Variants in ATXN7 observed in about 807,000 individuals in gnomAD.
ATXN7 encodes ataxin 7.
Under a neutral mutation model 70.5 loss-of-function variants are expected in ATXN7, and 12 were observed. The observed-to-expected ratio is 0.17, with a 90% CI of 0.11 to 0.28. The LOEUF (loss-of-function observed/expected upper bound fraction) is 0.28. Ranked by LOEUF, ATXN7 falls within the 10% of genes least tolerant of loss-of-function variation. The pLI is 1.00. For synonymous variants in ATXN7, 498 were observed against 448.7 expected, an observed-to-expected ratio of 1.11 and a Z score of -1.39; for missense variants, 1,256 against 1,131.7, an observed-to-expected ratio of 1.11 and a Z score of -1.58.
chr3:63,881,929 A>G (rs1303588288), intron 1 of ATXN7, among the ~76,000 whole-genome samples: 1 of 152,140 alleles, frequency 6.6e-6, no homozygotes, highest in Non-Finnish European at 1.5e-5. Context: ...GATGGATTTT[A>G]TTTGTTGAAA....
At chr3:63,937,215 A>G (rs1166465023) in intron 4 of ATXN7, among the ~76,000 whole-genome samples, 1 of 152,164 alleles carries the variant, frequency 6.6e-6, no homozygotes, top group African/African-American at 2.4e-5. Flanking sequence ...GAAATGAGGG[A>G]AGACAGAAAT....
Position 63,995,958 on chromosome 3 carries a change from A to G in ATXN7, c.2136A>G (p.Pro712=), listed in dbSNP as rs375913531. The G allele has an allele frequency of 1.2e-6, 2 of 1,613,698 alleles. No individual in the cohort carries two copies. The highest frequency in any genetic ancestry group is 1.3e-5 in the African/African-American group (1 of 74,812). ...GSGKKRKNSS[P]LLVHSSSSSS... is the part of the protein sequence containing the mutation. ...GAAAGAAACGCAAAAACAGTTCCCC[A>G]CTGTTGGTTCACTCTTCCTCCTCCT... The change falls in exon 12 of 13, where the codon CCA becomes CCG. Residue 712 remains proline (P), a synonymous_variant. Transcript: ENST00000674280.
intron 11 of ATXN7, among the ~76,000 whole-genome samples, chr3:63,992,546 A>G (rs1160729384): frequency 6.6e-6 from 1 of 152,194 alleles, no homozygotes; most frequent in African/African-American, 2.4e-5. Flanking sequence ...TTTTATCCAC[A>G]TTATGTTGGT....
At chr3:63,959,710 CT>C (rs1211027639) in intron 5 of ATXN7, among the ~76,000 whole-genome samples, 15 of 151,972 alleles carry the variant, frequency 9.9e-5, no homozygotes, top group Admixed American at 7.9e-4. Flanking sequence ...AAGCAAATAT[CT>C]TTAAAATAAA....
rs1430987015 is a variant in ATXN7, at chr3:63,980,022, A to T, written c.607A>T (p.Ser203Cys). ...AAGCAAAGGAGGCAGTGCAAGTGGA[A>T]GCAACCGTTCTTCCAGTGGAGGTGT... ...SKSKGGSASG[S>C]NRSSSGGVLS... is the part of the protein sequence containing the mutation. Residue 203 changes from serine (S) to cysteine (C), a missense_variant, in exon 6 of 13, where the codon AGC becomes TGC. Ser to Cys is a moderately radical substitution (Grantham distance 112). Transcript: ENST00000674280. 1 of 1,614,084 alleles carries T rather than the reference A, an allele frequency of 6.2e-7. No individual in the cohort carries two copies. Among genetic ancestry groups the T allele is most frequent in the African/African-American group, 1.3e-5 (1 of 74,924 alleles).
chr3:63,903,989 A>G (rs565472677), intron 2 of ATXN7: 1 of 152,334 alleles, frequency 6.6e-6, no homozygotes, highest in African/African-American at 2.4e-5. Context: ...AATGGTTTTT[A>G]GTGTATTCAC....
At chr3:63,980,987 G>A (rs913311241) in intron 6 of ATXN7, among the ~76,000 whole-genome samples, 1 of 152,212 alleles carries the variant, frequency 6.6e-6, no homozygotes, top group Non-Finnish European at 1.5e-5. Context: ...GAGCAGCCAC[G>A]CACTCCAATA....
intron 4 of ATXN7, among the ~76,000 whole-genome samples, chr3:63,921,529 A>G (rs190076515): frequency 3.3e-5 from 5 of 152,216 alleles, no homozygotes; most frequent in Non-Finnish European, 7.4e-5. Context: ...AAGAGTATCT[A>G]TTTTGGTGTT....
At chr3:63,978,259 G>A (rs1254681842) in intron 5 of ATXN7, among the ~76,000 whole-genome samples, 1 of 152,174 alleles carries the variant, frequency 6.6e-6, no homozygotes, top group Non-Finnish European at 1.5e-5. Context: ...GGGTAGCCAA[G>A]GTTGACAGCC....
At chr3:63,922,982 C>G (rs1300068939) in intron 4 of ATXN7, among the ~76,000 whole-genome samples, 1 of 152,188 alleles carries the variant, frequency 6.6e-6, no homozygotes, top group Non-Finnish European at 1.5e-5. Context: ...TCAAGGACAC[C>G]TATGTAACTA....
intron 12 of ATXN7, chr3:63,998,753 A>C: frequency 2.3e-4 from 219 of 936,276 alleles, no homozygotes; most frequent in Middle Eastern, 5.4e-4. Context: ...TAAGAATCTC[A>C]AAGGGACTCG....
chr3:63,998,617 CTTT>C (rs941685388), intron 12 of ATXN7: 1 of 985,248 alleles, frequency 1.0e-6, no homozygotes, highest in African/African-American at 1.7e-5. Context: ...CAGAGGAATA[CTTT>C]TTATTATGCT....
chr3:63,931,032 G>A (rs1040365322), intron 4 of ATXN7, among the ~76,000 whole-genome samples: 1 of 152,160 alleles, frequency 6.6e-6, no homozygotes, highest in African/African-American at 2.4e-5. Context: ...GCTAAGAAAA[G>A]GTGAGACACA....
intron 4 of ATXN7, among the ~76,000 whole-genome samples, chr3:63,924,514 G>T (rs1450976572): frequency 3.3e-5 from 5 of 152,134 alleles, no homozygotes; most frequent in Non-Finnish European, 4.4e-5. Context: ...GAGGTGGTGG[G>T]TGGGCGAGGA....
chr3:63,965,641 C>A (rs1388091357), intron 5 of ATXN7, among the ~76,000 whole-genome samples: 1 of 151,956 alleles, frequency 6.6e-6, no homozygotes, highest in African/African-American at 2.4e-5. Flanking sequence ...TGACCATGTC[C>A]CCAGACCTAG....
chr3:63,959,824 G>A (rs1173616657), intron 5 of ATXN7, among the ~76,000 whole-genome samples: 3 of 151,914 alleles, frequency 2.0e-5, no homozygotes, highest in Non-Finnish European at 4.4e-5. Flanking sequence ...GTGCCTTTGG[G>A]GCTGCTTTAG....
intron 4 of ATXN7, among the ~76,000 whole-genome samples, chr3:63,922,364 C>T (rs1299528806): frequency 6.6e-6 from 1 of 152,144 alleles, no homozygotes; most frequent in African/African-American, 2.4e-5. Context: ...CCTTCTTGGA[C>T]TCTAGTAAAA....
Position 63,971,055 on chromosome 3 carries a change from A to G in ATXN7, c.500-8860A>G, listed in dbSNP as rs2075305410. On this transcript the variant is annotated intron_variant, in intron 5 of 12. Transcript: ENST00000674280. ...CACCTCCGCATTAGGGGGAGGAGAG[A>G]TGCCTTTGGCAGAGGTAGCAGTTGG... Among the ~76,000 whole-genome samples, 2 of 152,146 alleles carry G rather than the reference A, an allele frequency of 1.3e-5. 1 individual carries two copies. The highest frequency in any genetic ancestry group is 1.3e-4 in the Admixed American group (2 of 15,268).
intron 2 of ATXN7, among the ~76,000 whole-genome samples, chr3:63,906,108 A>G (rs1703828582): frequency 6.6e-6 from 1 of 152,330 alleles, no homozygotes; most frequent in Admixed American, 6.5e-5. Flanking sequence ...AAAAATAGTT[A>G]AATCTGCAGG....
Sources: allele counts gnomAD v4.1 joint callset (sites outside exome capture counted in the v4.1 genomes callset), GRCh38; gene constraint gnomAD v4.1.1; transcripts MANE v1.5; gene names NCBI Gene and HGNC (gene_info 2026-07-23, HGNC 2026-07-21).